DAGLB: variants seen among roughly 807,000 people sequenced by gnomAD.
The protein encoded by DAGLB is diacylglycerol lipase-beta.
A neutral mutation model predicts 72.1 loss-of-function variants in DAGLB; 66 were observed. The ratio of observed to expected loss-of-function variants is 0.92; its 90% CI spans 0.75 to 1.12. The LOEUF (loss-of-function observed/expected upper bound fraction) is 1.12. Among genes scored for constraint, DAGLB ranks in the 50% most tolerant of loss-of-function variants. The pLI is 0.00. For synonymous variants in DAGLB, 414 were observed against 359.5 expected, an observed-to-expected ratio of 1.15 and a Z score of -1.71; for missense variants, 1,065 against 884.9, an observed-to-expected ratio of 1.20 and a Z score of -2.58.
chr7:6,447,816 C>G lies in DAGLB; in HGVS notation c.27G>C (p.Arg9=), dbSNP rs1785060265. The change falls in exon 1 of 15, where the codon CGG becomes CGC. Residue 9 remains arginine, a synonymous_variant. Transcript: ENST00000297056. ...AGTCGTCGCTGGCGATGGCCCAGCGCCGGCCGAAGAGTACCATCCCCGGCA... is the reference window on the plus strand; with the variant it reads ...AGTCGTCGCTGGCGATGGCCCAGCGGCGGCCGAAGAGTACCATCCCCGGCA... The part of the protein sequence containing the change: MPGMVLFG[R]RWAIASDDLV... 6.2e-7 allele frequency: 1 copy of G among 1,613,046 alleles called. No individual in the cohort carries two copies. The highest frequency in any genetic ancestry group is 1.3e-5 in the African/African-American group (1 of 74,906).
Position 6,410,338 on chromosome 7 carries a change from C to T in DAGLB, c.1612G>A (p.Gly538Arg). ...LHGLWYELFGGNPNNLPTELD... is the reference protein window; with the variant it reads ...LHGLWYELFGRNPNNLPTELD... ...TCCGTGGGCAAGTTGTTGGGGTTTC[C>T]TCCAAACAGTTCGTACCACAAACCG... Residue 538 changes from glycine to arginine, a missense_variant, in exon 14 of 15, where the codon GGA (glycine) becomes AGA (arginine). Physicochemically the swap from Gly to Arg is moderately radical, Grantham distance 125. Coordinates refer to ENST00000297056, the MANE Select transcript of DAGLB (RefSeq NM_139179.4). The T allele has an allele frequency of 6.2e-7, 1 of 1,614,032 alleles. No homozygotes were observed. The highest frequency in any genetic ancestry group is 2.2e-5 in the East Asian group (1 of 44,882).
At chr7:6,426,431 G>A (rs1183034835) in intron 6 of DAGLB, among the ~76,000 whole-genome samples, 1 of 152,114 alleles carries the variant, frequency 6.6e-6, no homozygotes, top group African/African-American at 2.4e-5. Context: ...CTCCATGCCC[G>A]GCTAGTTTTT....
intron 2 of DAGLB, among the ~76,000 whole-genome samples, chr7:6,441,574 C>T (rs1490280074): frequency 6.6e-6 from 1 of 150,758 alleles, no homozygotes; most frequent in South Asian, 2.1e-4. Context: ...CCCGCCACCA[C>T]GCCCAGCTAA....
In DAGLB at chr7:6,432,881, G is replaced by C. The variant is rs1157462848; in HGVS notation, c.757C>G (p.Gln253Glu). Residue 253 changes from glutamine (Q) to glutamate (E), a missense_variant, in exon 5 of 15, where the codon CAA becomes GAA. Transcript: ENST00000297056. ...HQQQDNIRNN[Q>E]EPAQVVCHAP... ...TGGCAGACCACCTGGGCAGGCTCTT[G>C]GTTGTTCCTGATATTGTCCTGTTGC... The C allele has an allele frequency of 1.2e-6, 2 of 1,613,964 alleles. No individual in the cohort carries two copies. The highest frequency in any genetic ancestry group is 1.7e-6 in the Non-Finnish European group (2 of 1,180,022).
intron 3 of DAGLB, 25 bp from the exon 4 acceptor site, chr7:6,435,045 C>T (rs1197868102): frequency 2.5e-6 from 4 of 1,609,732 alleles, no homozygotes; most frequent in Non-Finnish European, 3.4e-6. Flanking sequence ...GAGGAAAAGG[C>T]TCGGTGACTG....
chr7:6,445,306 T>C (rs1784963102), intron 2 of DAGLB, among the ~76,000 whole-genome samples: 1 of 152,230 alleles, frequency 6.6e-6, no homozygotes, highest in Non-Finnish European at 1.5e-5. Context: ...CAAAATGAAG[T>C]ACTGATACAT....
At chr7:6,442,997 C>T (rs994089322) in intron 2 of DAGLB, among the ~76,000 whole-genome samples, 1 of 145,578 alleles carries the variant, frequency 6.9e-6, no homozygotes, top group Admixed American at 7.0e-5. Flanking sequence ...CACAGTGAAA[C>T]CCCGTCTCTT....
At chr7:6,440,254 C>T (rs1166211308) in intron 2 of DAGLB, among the ~76,000 whole-genome samples, 2 of 149,656 alleles carry the variant, frequency 1.3e-5, no homozygotes, top group Non-Finnish European at 3.0e-5. Context: ...TGTGGTGGTG[C>T]ATGCCTGTAA....
chr7:6,428,074 C>T (rs1224634886), intron 6 of DAGLB, among the ~76,000 whole-genome samples: 1 of 151,928 alleles, frequency 6.6e-6, no homozygotes, highest in Non-Finnish European at 1.5e-5. Context: ...TGGCCAGGTG[C>T]GGTGGCTCAT....
intron 5 of DAGLB, among the ~76,000 whole-genome samples, chr7:6,431,563 A>C (rs1328674832): frequency 1.3e-5 from 2 of 152,068 alleles, no homozygotes; most frequent in African/African-American, 4.8e-5. Context: ...CTTGAGGCTA[A>C]GAGTTTGAGA....
In DAGLB at chr7:6,416,941, A is replaced by C; in HGVS notation, c.1219-20T>G. On this transcript the variant is annotated intron_variant, in intron 9 of 14. Transcript: ENST00000297056. ...AATACCCTAAAAACACAGACAAAGA[A>C]GGTGGCCGTTAATCCTCAGACAAGG... 2 of 1,613,870 alleles carry C rather than the reference A, an allele frequency of 1.2e-6. No individual in the cohort carries two copies. Among genetic ancestry groups the C allele is most frequent in the South Asian group, 2.2e-5 (2 of 91,060 alleles).
intron 5 of DAGLB, among the ~76,000 whole-genome samples, chr7:6,431,606 T>C (rs1020355080): frequency 6.6e-6 from 1 of 152,112 alleles, no homozygotes; most frequent in Non-Finnish European, 1.5e-5. Context: ...ACCCCGTCTC[T>C]GCTAAAAATA....
intron 13 of DAGLB, among the ~76,000 whole-genome samples, chr7:6,412,081 AT>A (rs1783748030): frequency 1.3e-5 from 2 of 152,018 alleles, no homozygotes; most frequent in Admixed American, 1.3e-4. Context: ...CCCCTGGCTC[AT>A]TTTTGTATTT....
intron 2 of DAGLB, among the ~76,000 whole-genome samples, chr7:6,443,924 T>C (rs1277128286): frequency 6.6e-6 from 1 of 152,096 alleles, no homozygotes; most frequent in Non-Finnish European, 1.5e-5. Flanking sequence ...CTGGAGACAT[T>C]CTCAGATAAA....
chr7:6,414,718 T>G (rs997227337), intron 11 of DAGLB, among the ~76,000 whole-genome samples: 4 of 152,082 alleles, frequency 2.6e-5, no homozygotes, highest in African/African-American at 9.7e-5. Context: ...CCTGTGGTAA[T>G]GAGAACTACC....
At chr7:6,431,921 G>A (rs1172658643) in intron 5 of DAGLB, among the ~76,000 whole-genome samples, 1 of 152,172 alleles carries the variant, frequency 6.6e-6, no homozygotes, top group East Asian at 1.9e-4. Context: ...CAACCCTGCT[G>A]CTAATGAAAC....
chr7:6,446,338 C>T (rs147145685), intron 1 of DAGLB, among the ~76,000 whole-genome samples: 2,098 of 148,118 alleles, frequency 0.014, 55 homozygotes, highest in African/African-American at 0.05. Context: ...AATAGCTGGG[C>T]GTAGTGGTGC....
At chr7:6,412,786 C>A (rs368123392) in intron 13 of DAGLB, 25 bp downstream of exon 13, 1 of 1,566,322 alleles carries the variant, frequency 6.4e-7, no homozygotes, top group African/African-American at 1.4e-5. Flanking sequence ...GTCCTGCTGA[C>A]CCTCTCAACA....
intron 2 of DAGLB, among the ~76,000 whole-genome samples, chr7:6,437,481 G>C (rs1784702633): frequency 6.6e-6 from 1 of 152,064 alleles, no homozygotes; most frequent in Non-Finnish European, 1.5e-5. Flanking sequence ...GCCCAGGCTG[G>C]AGTGTGGTGG....
Sources: allele counts gnomAD v4.1 joint callset (sites outside exome capture counted in the v4.1 genomes callset), GRCh38; gene constraint gnomAD v4.1.1; transcripts MANE v1.5; gene names NCBI Gene and HGNC (gene_info 2026-07-23, HGNC 2026-07-21).